PLK5: variants seen among roughly 807,000 people sequenced by gnomAD.
PLK5 encodes inactive serine/threonine-protein kinase PLK5.
PLK5 carries 28 observed loss-of-function variants against 33.7 expected under a neutral mutation model. The ratio of observed to expected loss-of-function variants is 0.83; its 90% confidence interval spans 0.62 to 1.14. PLK5 has a LOEUF of 1.14. Ranked by LOEUF, PLK5 falls within the 50% of genes most tolerant of loss-of-function variation. PLK5 has a pLI of 0.00. For synonymous variants in PLK5, 225 were observed against 202.2 expected, an observed-to-expected ratio of 1.11 and a Z score of -0.96; for missense variants, 492 against 461.5, an observed-to-expected ratio of 1.07 and a Z score of -0.61.
chr19:1,531,416 AAAACAAAACAAAAC>A (rs1055442197), intron 11 of PLK5, among the ~76,000 whole-genome samples: 10 of 102,158 alleles, frequency 9.8e-5, no homozygotes, highest in East Asian at 7.6e-4. Context: ...TCAAAAAAAC[AAAACAAAACAAAAC>A]AAACAAAAAC....
chr19:1,535,231 G>A lies in PLK5; in HGVS notation c.992G>A (p.Arg331His), dbSNP rs576783542. ...TTGQHLHHAL[R>H]MLQSI is the part of the protein sequence containing the mutation. ...GGACAGCACCTTCACCACGCCCTCC[G>A]CATGCTGCAGAGTATCTAGTGCCCC... The change falls in exon 14 of 14, where the codon CGC becomes CAC. Residue 331 changes from arginine to histidine, a missense_variant. By Grantham distance (29) the Arg-to-His change is conservative (BLOSUM62 0). Transcript: ENST00000454744. 1.1e-4 allele frequency: 172 copies of A among 1,535,714 alleles called. 2 individuals are homozygous for A. In the South Asian group the frequency reaches 1.8e-3, roughly 16 times the overall value.
chr19:1,528,304 T>C lies in PLK5; in HGVS notation c.204T>C (p.Gly68=), dbSNP rs1913807120. ...HLLQDDFFTQ[G]FTPDRLPAHS... is the part of the protein sequence containing the mutation. ...TAACCCCAAATCCCCATCCAAAGGGTTTCACTCCAGACCGGCTGCCGGCCC... is the reference window on the plus strand; with the variant it reads ...TAACCCCAAATCCCCATCCAAAGGGCTTCACTCCAGACCGGCTGCCGGCCC... Residue 68 remains glycine (G), a splice_region_variant and synonymous_variant, in exon 8 of 14, where the codon GGT becomes GGC. Transcript: ENST00000454744. 6.5e-7 allele frequency: 1 copy of C among 1,535,278 alleles called. No individual in the cohort carries two copies. Among genetic ancestry groups the C allele is most frequent in the Non-Finnish European group, 8.7e-7 (1 of 1,146,642 alleles).
At position 1,533,977 on chromosome 19, in the gene PLK5, G is replaced by A. The variant is rs1409085485; in HGVS notation, c.761G>A (p.Cys254Tyr). The A allele has an allele frequency of 2.0e-6, 3 of 1,535,220 alleles. No homozygotes were observed. The highest frequency in any genetic ancestry group is 2.7e-5 in the African/African-American group (2 of 73,118). Residue 254 changes from cysteine to tyrosine, a missense_variant, in exon 13 of 14, where the codon TGC (cysteine) becomes TAC (tyrosine). Cys to Tyr is a radical substitution (Grantham distance 194). Coordinates refer to ENST00000454744, the MANE Select transcript of PLK5 (RefSeq NM_001243079.2). The part of the protein sequence containing the change: ...TPVPPAGPGL[C>Y]LLRFLASEHA... ...GTGCCACCTGCTGGACCCGGCCTCT[G>A]CCTCCTGCGCTTCCTGGCCTCTGAG...
rs912802939 is a variant in PLK5 at position 1,527,114 on chromosome 19, G to A, written c.2+116G>A. The A allele has an allele frequency of 2.7e-6, 3 of 1,118,762 alleles. No homozygotes were observed. The African/African-American group carries it at 4.7e-5, about 18-fold the overall frequency. The allele number at this position is 1,118,762 out of a possible 1,614,324, so 69.3% of individuals were successfully genotyped here. ...GTGCAGGGTGGGGCGCGTGGAACAG[G>A]CACCTGTCGCCAAGTGTGCAGTATG... On this transcript the variant is annotated intron_variant, in intron 6 of 13. Coordinates refer to ENST00000454744, the MANE Select transcript of PLK5 (RefSeq NM_001243079.2).
chr19:1,527,953 GCACCC>G lies in PLK5; in HGVS notation c.26_30del (p.Pro9LeufsTer15). 6.5e-7 allele frequency: 1 copy of G among 1,535,076 alleles called. No individual in the cohort carries two copies. The highest frequency in any genetic ancestry group is 2.0e-5 in the Admixed American group (1 of 50,850). ...TGGCCCAGGTACACGGTGCTGACTGGCACCCCACCCTTCATGGCCTCACCCCTGTC... is the reference window on the plus strand; with the variant it reads ...TGGCCCAGGTACACGGTGCTGACTGGCACCCTTCATGGCCTCACCCCTGTC... On this transcript the variant is annotated frameshift_variant, in exon 7 of 14. Transcript: ENST00000454744. LOFTEE classifies it high-confidence loss of function.
At chr19:1,531,395 A>G (rs1307016021) in intron 11 of PLK5, among the ~76,000 whole-genome samples, 4 of 148,404 alleles carry the variant, frequency 2.7e-5, no homozygotes, top group African/African-American at 9.8e-5. Flanking sequence ...GGGACAGAGC[A>G]AGACTCTGTC....
intron 11 of PLK5, among the ~76,000 whole-genome samples, chr19:1,531,407 C>CA (rs1234802098): frequency 9.0e-6 from 1 of 110,946 alleles, no homozygotes; most frequent in East Asian, 5.5e-4. Flanking sequence ...GACTCTGTCT[C>CA]AAAAAAACAA....
In PLK5 at chr19:1,526,518, C is replaced by G; in HGVS notation, c.-280C>G. 3.6e-6 allele frequency: 1 copy of G among 280,294 alleles called. No individual in the cohort carries two copies. The highest frequency in any genetic ancestry group is 7.1e-6 in the Non-Finnish European group (1 of 141,030). 17.4% of individuals were successfully genotyped at this position (280,294 alleles called of 1,614,324 possible). On this transcript the variant is annotated 5_prime_UTR_variant, in exon 4 of 14. The change creates a new upstream start codon in the 5' untranslated region. Coordinates refer to ENST00000454744, the MANE Select transcript of PLK5 (RefSeq NM_001243079.2). ...CCCACGTGCTGAGGGCGCGGCAGAT[C>G]CTGACGGAGCCAGAAGTGCGCGACT... is the stretch of plus-strand genomic sequence containing the variant.
Position 1,525,296 on chromosome 19 carries a change from T to G in PLK5, c.-543-9T>G. The G allele has an allele frequency of 1.3e-5, 2 of 152,726 alleles. 1 individual carries two copies. The highest frequency in any genetic ancestry group is 1.3e-4 in the Admixed American group (2 of 15,288). The allele number at this position is 152,726 out of a possible 1,614,324, so 9.5% of individuals were successfully genotyped here. The stretch of plus-strand genomic sequence containing the variant: ...ACCTGCCCACTGATCTGCTGACCCC[T>G]CCCCACAGGGCGCCTTCAGCCGCTG... On this transcript the variant is annotated splice_polypyrimidine_tract_variant and intron_variant, in intron 1 of 13. Coordinates refer to ENST00000454744, the MANE Select transcript of PLK5 (RefSeq NM_001243079.2).
intron 7 of PLK5, 50 bp downstream of exon 7, chr19:1,528,184 G>A (rs1475621132): frequency 1.4e-5 from 21 of 1,530,122 alleles, no homozygotes; most frequent in Non-Finnish European, 1.8e-5. Flanking sequence ...TCCCTGGCAG[G>A]TGATGAGCCA....
intron 10 of PLK5, 53 bp downstream of exon 10, chr19:1,529,543 C>T: frequency 4.0e-6 from 6 of 1,503,872 alleles, no homozygotes; most frequent in Non-Finnish European, 5.4e-6. Context: ...GGAGGAATTA[C>T]AAGTGACAGG....
intron 12 of PLK5, 36 bp downstream of exon 12, chr19:1,531,919 C>A: frequency 7.0e-7 from 1 of 1,426,088 alleles, no homozygotes; most frequent in Admixed American, 3.0e-5. Flanking sequence ...GGGGACCAGG[C>A]ACTCCCCCTG....
chr19:1,534,096 C>G (rs1266394318), intron 13 of PLK5, 55 bp downstream of exon 13: 2 of 1,372,516 alleles, frequency 1.5e-6, no homozygotes, highest in East Asian at 5.0e-5. Context: ...GGGGTCTGGC[C>G]TGCCTGGGCT....
At position 1,526,801 on chromosome 19, in the gene PLK5, G is replaced by C. The variant is rs748600674; in HGVS notation, c.-95+10G>C. ...GGGGCCGCTGCCACAGGTGAGAGCC[G>C]GGGGGAGGGCTCTGAGCAGTCCGTC... is the stretch of plus-strand genomic sequence containing the variant. On this transcript the variant is annotated intron_variant, in intron 5 of 13. Coordinates refer to ENST00000454744, the MANE Select transcript of PLK5 (RefSeq NM_001243079.2). 6.1e-6 allele frequency: 4 copies of C among 653,804 alleles called. No homozygotes were observed. The highest frequency in any genetic ancestry group is 2.9e-5 in the East Asian group (1 of 34,168). The allele number at this position is 653,804 out of a possible 1,614,324, so 40.5% of individuals were successfully genotyped here.
chr19:1,526,538 G>A lies in PLK5; in HGVS notation c.-260G>A, dbSNP rs142987494. On this transcript the variant is annotated 5_prime_UTR_variant, in exon 4 of 14. Transcript: ENST00000454744. ...CAGATCCTGACGGAGCCAGAAGTGC[G>A]CGACTACCTGCGGGGCCTGGTCAGC... 28 of 290,106 alleles carry A rather than the reference G, an allele frequency of 9.7e-5. No individual in the cohort carries two copies. The highest frequency in any genetic ancestry group is 1.4e-4 in the African/African-American group (6 of 43,504). The allele number at this position is 290,106 out of a possible 1,614,324, so 18.0% of individuals were successfully genotyped here.
chr19:1,533,344 A>G (rs1230767307), intron 12 of PLK5, among the ~76,000 whole-genome samples: 2 of 148,264 alleles, frequency 1.3e-5, no homozygotes, highest in Non-Finnish European at 3.0e-5. Flanking sequence ...TCCCACCTGG[A>G]CCTCCCAAAG....
At chr19:1,527,111 C>G (rs1913765054) in intron 6 of PLK5, 113 bp downstream of exon 6, 3 of 1,165,462 alleles carry the variant, frequency 2.6e-6, no homozygotes, top group Non-Finnish European at 3.6e-6. Flanking sequence ...GCGCGTGGAA[C>G]AGGCACCTGT....
chr19:1,527,165 T>C (rs537387191), intron 6 of PLK5, among the ~76,000 whole-genome samples, 167 bp downstream of exon 6: 1 of 150,024 alleles, frequency 6.7e-6, no homozygotes, highest in African/African-American at 2.5e-5. Flanking sequence ...GGGAGGCGTG[T>C]GTGAGGGAGG....
intron 12 of PLK5, chr19:1,533,603 G>A: frequency 1.9e-6 from 1 of 523,130 alleles, no homozygotes; most frequent in African/African-American, 1.9e-5. Flanking sequence ...ATATGGATAA[G>A]GTGTAACTAG....
Sources: gnomAD v4.1 joint callset for allele counts (sites outside exome capture counted in the v4.1 genomes callset) on GRCh38, gnomAD v4.1.1 for gene constraint, MANE v1.5 for transcripts, NCBI Gene and HGNC (gene_info 2026-07-23, HGNC 2026-07-21) for gene names.